The following PTGR1 variants were observed in gnomAD, a reference collection of about 807,000 sequenced individuals.
The protein encoded by PTGR1 is prostaglandin reductase 1, also known as 15-oxoprostaglandin 13-reductase.
In PTGR1, 23 loss-of-function variants were observed where a neutral mutation model predicts 37.7. The ratio of observed to expected loss-of-function variants is 0.61; its 90% confidence interval spans 0.44 to 0.86. PTGR1 has a LOEUF of 0.86. PTGR1 is among the 40% of genes least tolerant of loss of function. PTGR1 has a pLI of 0.00. For synonymous variants in PTGR1, 134 were observed against 140.0 expected, an observed-to-expected ratio of 0.96 and a Z score of 0.30; for missense variants, 351 against 394.3, an observed-to-expected ratio of 0.89 and a Z score of 0.93.
At chr9:111,559,004 G>A (rs887415113), downstream of PTGR1, among the ~76,000 whole-genome samples, 49 of 152,034 alleles carry the variant, frequency 3.2e-4, no homozygotes, top group African/African-American at 1.2e-3. Context: ...ACATCCTGCA[G>A]CTCCTGGCCC....
intron 7 of PTGR1, among the ~76,000 whole-genome samples, chr9:111,575,810 G>T (rs914375008): frequency 9.2e-5 from 14 of 151,828 alleles, no homozygotes; most frequent in South Asian, 2.1e-4. Context: ...GAAAACACAG[G>T]AATAAATATT....
At chr9:111,549,884 C>A in intron 9 of PTGR1, 1 of 815,176 alleles carries the variant, frequency 1.2e-6, no homozygotes, top group South Asian at 1.6e-5. Flanking sequence ...AATGTTTGGT[C>A]TTCCTCATGT....
At chr9:111,554,691 G>A (rs1188495943) in intron 9 of PTGR1, among the ~76,000 whole-genome samples, 1 of 152,146 alleles carries the variant, frequency 6.6e-6, no homozygotes. Context: ...ATGGCAAGAG[G>A]TTTCATCAGG....
downstream of PTGR1, among the ~76,000 whole-genome samples, chr9:111,561,477 C>G (rs549523382): frequency 3.4e-4 from 51 of 152,152 alleles, no homozygotes; most frequent in African/African-American, 1.1e-3. Context: ...ATTGTCCAGT[C>G]TGGTCTCAAA....
At chr9:111,570,584 C>T (rs748481557) in intron 8 of PTGR1, among the ~76,000 whole-genome samples, 1 of 150,558 alleles carries the variant, frequency 6.6e-6, no homozygotes, top group Non-Finnish European at 1.5e-5. Flanking sequence ...GCCTGGCCAA[C>T]ATAGTGAAAC....
intron 9 of PTGR1, 191 bp from the exon 10 acceptor site, chr9:111,563,422 TAC>T: frequency 2.0e-6 from 1 of 500,204 alleles, no homozygotes. Flanking sequence ...TAAAAAAGAT[TAC>T]AAAGTACACC....
rs2132348108 is a variant in PTGR1, at chr9:111,570,223, G to A, written c.761-14C>T. 6.2e-7 allele frequency: 1 copy of A among 1,609,144 alleles called. No individual in the cohort carries two copies. On this transcript the variant is annotated splice_polypyrimidine_tract_variant and intron_variant, in intron 8 of 9. Coordinates refer to ENST00000407693, the MANE Select transcript of PTGR1 (RefSeq NM_001146108.2). ...CTGGGGGTGGGCCTGTGAAGAGAAG[G>A]GCACATTTGGGTGGCAGGATCCAGG...
At chr9:111,584,893 A>G (rs571551294) in intron 5 of PTGR1, among the ~76,000 whole-genome samples, 211 of 152,304 alleles carry the variant, frequency 1.4e-3, no homozygotes, top group African/African-American at 4.9e-3. Context: ...TTATTACACT[A>G]GCCAAAAGGA....
At chr9:111,585,913 C>T (rs3818295) in intron 5 of PTGR1, 85 bp downstream of exon 5, 123,033 of 1,489,646 alleles carry the variant, frequency 0.083, 6,343 homozygotes, top group East Asian at 0.23. Flanking sequence ...CAAATATCTT[C>T]CTGTTGACCA....
At chr9:111,598,799 G>A (rs7854485) in intron 1 of PTGR1, among the ~76,000 whole-genome samples, 20,444 of 152,032 alleles carry the variant, frequency 0.13, 1,746 homozygotes, top group African/African-American at 0.23. Flanking sequence ...CAGGCCCTAC[G>A]TATCATTTTT....
Position 111,562,668 on chromosome 9 carries a change from A to G in PTGR1, c.*453T>C, listed in dbSNP as rs7858562. 0.51 allele frequency: 78,486 copies of G among 153,524 alleles called. 20,597 individuals are homozygous for G. The highest frequency in any genetic ancestry group is 0.58 in the African/African-American group (23,866 of 41,384). 9.5% of individuals were successfully genotyped at this position (153,524 alleles called of 1,614,324 possible). A position where few individuals can be genotyped will look rare whatever the true frequency, so the allele number is the denominator to read the frequency against. On this transcript the variant is annotated 3_prime_UTR_variant, in exon 10 of 10. Transcript: ENST00000407693. ...GTTACATAGGTAAACGTGTGCCATG[A>G]TGGTTTGCTTCACCTGTCAACCCAT...
downstream of PTGR1, among the ~76,000 whole-genome samples, chr9:111,558,871 A>G (rs1172627869): frequency 2.6e-5 from 4 of 152,148 alleles, no homozygotes; most frequent in East Asian, 1.9e-4. Context: ...TCTGACAGTG[A>G]GAAACTCTGG....
At chr9:111,586,782 ACTCTCTCTCT>A (rs35858814) in intron 4 of PTGR1, among the ~76,000 whole-genome samples, 2 of 136,198 alleles carry the variant, frequency 1.5e-5, no homozygotes, top group African/African-American at 5.5e-5. Flanking sequence ...TTACTTTTCC[ACTCTCTCTCT>A]CTCTCTCTCT....
chr9:111,596,537 A>T (rs1829784896), intron 2 of PTGR1, among the ~76,000 whole-genome samples: 1 of 151,472 alleles, frequency 6.6e-6, no homozygotes, highest in Admixed American at 6.6e-5. Flanking sequence ...GATCACCTGA[A>T]GTCAGGAGTT....
chr9:111,586,380 C>G (rs1292285454), intron 4 of PTGR1, among the ~76,000 whole-genome samples: 1 of 152,174 alleles, frequency 6.6e-6, no homozygotes, highest in African/African-American at 2.4e-5. Context: ...GAAGGAGTGG[C>G]TCATGGGGTG....
At chr9:111,554,832 G>A (rs1828074848) in intron 9 of PTGR1, among the ~76,000 whole-genome samples, 1 of 152,196 alleles carries the variant, frequency 6.6e-6, no homozygotes, top group Admixed American at 6.5e-5. Context: ...TTTTACCCAA[G>A]GGAGACAATC....
intron 8 of PTGR1, among the ~76,000 whole-genome samples, chr9:111,573,183 C>T (rs936839425): frequency 1.3e-5 from 2 of 152,154 alleles, no homozygotes; most frequent in Non-Finnish European, 2.9e-5. Context: ...TATTCCTAAT[C>T]GGACTGTGGT....
Position 111,570,122 on chromosome 9 carries a change from G to A in PTGR1, c.848C>T (p.Ala283Val), listed in dbSNP as rs761746065. Residue 283 changes from alanine (A) to valine (V), a missense_variant, in exon 9 of 10, where the codon GCT (alanine) becomes GTT (valine). Physicochemically the swap from Ala to Val is moderately conservative, Grantham distance 64. Coordinates refer to ENST00000407693, the MANE Select transcript of PTGR1 (RefSeq NM_001146108.2). The part of the protein sequence containing the change: ...YRWQGDARQK[A>V]LKDLLKWVLE... ...GACCCATTTCAGCAAGTCCTTCAGA[G>A]CTTTTTGGCGGGCATCTCCTTGCCA... 1 of 1,614,114 alleles carries A rather than the reference G, an allele frequency of 6.2e-7. No individual in the cohort carries two copies. Among genetic ancestry groups the A allele is most frequent in the South Asian group, 1.1e-5 (1 of 91,080 alleles).
intron 4 of PTGR1, among the ~76,000 whole-genome samples, chr9:111,591,377 T>C (rs1229608259): frequency 2.7e-5 from 4 of 145,494 alleles, no homozygotes; most frequent in Admixed American, 6.8e-5. Context: ...TTTCTTTTTT[T>C]TTTTTTTTTT....
Sources: gnomAD v4.1 joint callset for allele counts (sites outside exome capture counted in the v4.1 genomes callset) on GRCh38, gnomAD v4.1.1 for gene constraint, MANE v1.5 for transcripts, NCBI Gene and HGNC (gene_info 2026-07-23, HGNC 2026-07-21) for gene names.